Variants in BBX observed in about 807,000 individuals in gnomAD.
The protein encoded by BBX is BBX high mobility group box domain containing.
In BBX, 30 loss-of-function variants were observed where a neutral mutation model predicts 100.2. The observed-to-expected ratio is 0.30, with a 90% CI of 0.22 to 0.41. The LOEUF is 0.41. BBX is among the 10% of genes least tolerant of loss of function. The pLI is 1.00. For missense variants in BBX, 1,023 were observed against 1,129.8 expected, an observed-to-expected ratio of 0.91 and a Z score of 1.35; for synonymous variants, 376 against 388.1, an observed-to-expected ratio of 0.97 and a Z score of 0.37.
At chr3:107,566,597 T>G (rs1214773218) in intron 2 of BBX, among the ~76,000 whole-genome samples, 1 of 151,522 alleles carries the variant, frequency 6.6e-6, no homozygotes, top group African/African-American at 2.4e-5. Flanking sequence ...TGGCAACTGC[T>G]TTAGTATTTT....
At chr3:107,624,896 AC>A (rs2056060368) in intron 2 of BBX, among the ~76,000 whole-genome samples, 1 of 152,214 alleles carries the variant, frequency 6.6e-6, no homozygotes, top group Non-Finnish European at 1.5e-5. Context: ...AAAGTAGTTT[AC>A]TTAGGAGAAT....
chr3:107,702,411 C>A (rs1560002266), intron 3 of BBX, among the ~76,000 whole-genome samples: 1 of 152,212 alleles, frequency 6.6e-6, no homozygotes, highest in Admixed American at 6.5e-5. Context: ...AACAACCTTT[C>A]CTGGCTTCTT....
intron 10 of BBX, among the ~76,000 whole-genome samples, chr3:107,769,245 A>AG (rs1560126279): frequency 4.1e-5 from 6 of 147,604 alleles, no homozygotes; most frequent in Non-Finnish European, 7.5e-5. Context: ...TAGATAGGAT[A>AG]GATAGATAAT....
At chr3:107,586,522 G>A (rs921544950) in intron 2 of BBX, among the ~76,000 whole-genome samples, 2 of 152,080 alleles carry the variant, frequency 1.3e-5, no homozygotes, top group Non-Finnish European at 2.9e-5. Flanking sequence ...TGCCTAATTT[G>A]ATTATAACTG....
intron 3 of BBX, among the ~76,000 whole-genome samples, chr3:107,666,892 T>C (rs1302526513): frequency 6.6e-6 from 1 of 152,150 alleles, no homozygotes; most frequent in African/African-American, 2.4e-5. Flanking sequence ...TTATTTATTA[T>C]TGAAAGCCTA....
chr3:107,692,980 G>A (rs1157723863), intron 3 of BBX, among the ~76,000 whole-genome samples: 1 of 148,584 alleles, frequency 6.7e-6, no homozygotes, highest in African/African-American at 2.5e-5. Context: ...GTGTTTTTTG[G>A]CTGCATAAAT....
intron 3 of BBX, among the ~76,000 whole-genome samples, chr3:107,683,828 G>T (rs1389224778): frequency 6.6e-6 from 1 of 152,192 alleles, no homozygotes; most frequent in Non-Finnish European, 1.5e-5. Flanking sequence ...TCTACACTTT[G>T]TAGAAAGTAG....
chr3:107,708,597 C>T (rs543284532), intron 3 of BBX, among the ~76,000 whole-genome samples: 83 of 149,248 alleles, frequency 5.6e-4, no homozygotes, highest in African/African-American at 1.8e-3. Context: ...TTGCTTGAAC[C>T]GGGGAGGCAG....
chr3:107,654,009 A>G (rs567432777), intron 3 of BBX, among the ~76,000 whole-genome samples: 7 of 152,302 alleles, frequency 4.6e-5, no homozygotes, highest in Non-Finnish European at 5.9e-5. Flanking sequence ...CATGCCTTCA[A>G]TAGAGTTTTT....
At chr3:107,653,022 A>G (rs188683047) in intron 3 of BBX, among the ~76,000 whole-genome samples, 10 of 152,306 alleles carry the variant, frequency 6.6e-5, no homozygotes, top group Admixed American at 5.9e-4. Flanking sequence ...ATGAATTCGT[A>G]TTACAGGAAT....
In BBX at chr3:107,808,741, T is replaced by G. The variant is rs1413931866; in HGVS notation, c.*3284T>G. The G allele has an allele frequency of 6.6e-6, 1 of 152,230 alleles. No individual in the cohort carries two copies. Among genetic ancestry groups the G allele is most frequent in the Non-Finnish European group, 1.5e-5 (1 of 68,044 alleles). 9.4% of individuals were successfully genotyped at this position (152,230 alleles called of 1,614,324 possible). On this transcript the variant is annotated 3_prime_UTR_variant, in exon 18 of 18. Transcript: ENST00000325805. The stretch of plus-strand genomic sequence containing the variant: ...CCCAAATTAGGTTAGTTCCCAGATT[T>G]TAGATCAAAACTGTTAATTCATTAA...
intron 16 of BBX, among the ~76,000 whole-genome samples, chr3:107,800,407 TA>T (rs1174075733): frequency 6.6e-6 from 1 of 152,212 alleles, no homozygotes; most frequent in African/African-American, 2.4e-5. Flanking sequence ...TTAAAGCTTT[TA>T]TCAGTCATTT....
intron 12 of BBX, among the ~76,000 whole-genome samples, chr3:107,777,143 A>G (rs1301626490): frequency 6.6e-6 from 1 of 152,204 alleles, no homozygotes; most frequent in Non-Finnish European, 1.5e-5. Context: ...CACTGCATAA[A>G]TCATACCTTT....
At chr3:107,633,057 A>G (rs1222690576) in intron 2 of BBX, among the ~76,000 whole-genome samples, 1 of 152,120 alleles carries the variant, frequency 6.6e-6, no homozygotes, top group African/African-American at 2.4e-5. Context: ...ATTATTTTTC[A>G]TATTTGTACA....
chr3:107,798,601 A>T lies in BBX; in HGVS notation c.2432A>T (p.Glu811Val), dbSNP rs2070018865. ...ATCCCATCCATTTTCAACACTCCAG[A>T]GCCAACAACAACGCAAGAACCTTTG... is the stretch of plus-strand genomic sequence containing the variant. ...KNIPSIFNTP[E>V]PTTTQEPLVG... The change falls in exon 16 of 18, where the codon GAG becomes GTG. Residue 811 changes from glutamate (E) to valine (V), a missense_variant. By Grantham distance (121) the Glu-to-Val change is moderately radical (BLOSUM62 -2). Transcript: ENST00000325805. 6.2e-7 allele frequency: 1 copy of T among 1,614,126 alleles called. No homozygotes were observed. Among genetic ancestry groups the T allele is most frequent in the South Asian group, 1.1e-5 (1 of 91,082 alleles).
At chr3:107,746,585 G>A (rs2064617894) in intron 8 of BBX, among the ~76,000 whole-genome samples, 1 of 151,860 alleles carries the variant, frequency 6.6e-6, no homozygotes, top group Non-Finnish European at 1.5e-5. Flanking sequence ...CTTCAGCAGT[G>A]AATACAATTA....
At chr3:107,732,451 A>G (rs73208531) in intron 6 of BBX, among the ~76,000 whole-genome samples, 20,923 of 152,186 alleles carry the variant, frequency 0.14, 1,829 homozygotes, top group South Asian at 0.28. Flanking sequence ...GTAAAGAAAG[A>G]TTATTTGAAT....
At chr3:107,757,748 A>C (rs894074439) in intron 10 of BBX, among the ~76,000 whole-genome samples, 1 of 152,076 alleles carries the variant, frequency 6.6e-6, no homozygotes, top group Admixed American at 6.6e-5. Flanking sequence ...CTTGATATTC[A>C]TTTTTCATTC....
chr3:107,679,687 A>G (rs1426029478), intron 3 of BBX, among the ~76,000 whole-genome samples: 1 of 152,162 alleles, frequency 6.6e-6, no homozygotes, highest in Non-Finnish European at 1.5e-5. Flanking sequence ...AAAATAAAAC[A>G]TGAACAAACA....
Sources: allele counts gnomAD v4.1 joint callset (sites outside exome capture counted in the v4.1 genomes callset), GRCh38; gene constraint gnomAD v4.1.1; transcripts MANE v1.5; gene names NCBI Gene and HGNC (gene_info 2026-07-23, HGNC 2026-07-21).